TATDN3: variants seen among roughly 807,000 people sequenced by gnomAD.
TATDN3 encodes the protein deoxyribonuclease TATDN3.
In TATDN3, 29 loss-of-function variants were observed where a neutral mutation model predicts 40.1. The observed-to-expected ratio is 0.72, with a 90% CI of 0.54 to 0.99. The LOEUF is 0.99. Among genes scored for constraint, TATDN3 ranks in the 50% least tolerant of loss-of-function variants. TATDN3 has a pLI of 0.00. For missense variants in TATDN3, 309 were observed against 321.9 expected (o/e 0.96, Z 0.31); for synonymous variants, 105 against 117.0 (o/e 0.90, Z 0.66).
chr1:212,792,118 A>T (rs1235091932), intron 1 of TATDN3, 131 bp downstream of exon 1: 2 of 872,964 alleles, frequency 2.3e-6, no homozygotes, highest in African/African-American at 1.7e-5. Context: ...TGGCCATATG[A>T]CCTTGCCCCT....
At chr1:212,812,205 A>G in intron 8 of TATDN3, 43 bp from the exon 9 acceptor site, 1 of 1,262,194 alleles carries the variant, frequency 7.9e-7, no homozygotes, top group Non-Finnish European at 1.1e-6. Flanking sequence ...CTTTATCTTT[A>G]TTTCTCATGT....
chr1:212,796,223 A>G (rs564552830), intron 2 of TATDN3, among the ~76,000 whole-genome samples: 1 of 152,330 alleles, frequency 6.6e-6, no homozygotes, highest in South Asian at 2.1e-4. Context: ...GGCTTTGGAC[A>G]TATATAGACC....
At chr1:212,796,040 A>T (rs886899613) in intron 2 of TATDN3, among the ~76,000 whole-genome samples, 4 of 152,184 alleles carry the variant, frequency 2.6e-5, no homozygotes, top group Admixed American at 6.5e-5. Context: ...ATATTATTAA[A>T]GTTTTCTGAG....
Position 212,802,763 on chromosome 1 carries a change from G to A in TATDN3, c.321G>A (p.Glu107=), listed in dbSNP as rs1662245622. 6 of 1,601,070 alleles carry A rather than the reference G, an allele frequency of 3.7e-6. No individual in the cohort carries two copies. In the East Asian group the frequency reaches 1.1e-4, roughly 30 times the overall value. Residue 107 remains glutamate, a splice_region_variant and synonymous_variant, in exon 5 of 10, where the codon GAG becomes GAA. Coordinates refer to ENST00000366974, the MANE Select transcript of TATDN3 (RefSeq NM_001042552.3). ...AGGATCGGTTGTTGGCAATTGGAGA[G>A]GTAAACACCCACTAACTGATCAAAC... The part of the protein sequence containing the change: ...NYKDRLLAIG[E]VGLDFSPRFA...
chr1:212,805,748 G>A (rs1415842948), intron 7 of TATDN3, among the ~76,000 whole-genome samples: 1 of 152,086 alleles, frequency 6.6e-6, no homozygotes, highest in Non-Finnish European at 1.5e-5. Flanking sequence ...TCTCTTCTTT[G>A]CCAGTTGTTC....
At chr1:212,800,079 G>A (rs1345997644) in intron 4 of TATDN3, among the ~76,000 whole-genome samples, 1 of 152,164 alleles carries the variant, frequency 6.6e-6, no homozygotes, top group Admixed American at 6.6e-5. Context: ...TATGTAGTAA[G>A]TATTCATCAA....
chr1:212,796,635 C>T, intron 3 of TATDN3, 45 bp downstream of exon 3: 1 of 1,309,496 alleles, frequency 7.6e-7, no homozygotes, highest in East Asian at 2.4e-5. Flanking sequence ...AATAAGAACA[C>T]AGTTATGACA....
intron 8 of TATDN3, among the ~76,000 whole-genome samples, chr1:212,809,296 G>A (rs1021614909): frequency 6.6e-6 from 1 of 152,168 alleles, no homozygotes; most frequent in Non-Finnish European, 1.5e-5. Flanking sequence ...CTAGATAATG[G>A]TGATGATTGT....
At chr1:212,813,007 C>CA (rs1023420040) in intron 9 of TATDN3, among the ~76,000 whole-genome samples, 215 of 139,512 alleles carry the variant, frequency 1.5e-3, no homozygotes, top group Middle Eastern at 3.7e-3. Context: ...AACTCCATCT[C>CA]AAAAAAAAAA....
At chr1:212,793,730 G>A (rs536905891) in intron 1 of TATDN3, among the ~76,000 whole-genome samples, 1 of 152,322 alleles carries the variant, frequency 6.6e-6, no homozygotes, top group Non-Finnish European at 1.5e-5. Context: ...GATGTGGATA[G>A]CAAGGGAAAG....
intron 1 of TATDN3, chr1:212,792,806 C>G (rs1661435670): frequency 6.6e-6 from 1 of 152,198 alleles, no homozygotes; most frequent in Admixed American, 6.6e-5. Context: ...GTGGTGAGAC[C>G]CCGTCTCAAT....
chr1:212,810,201 A>C (rs911484253), intron 8 of TATDN3, among the ~76,000 whole-genome samples: 4 of 151,840 alleles, frequency 2.6e-5, no homozygotes, highest in Non-Finnish European at 5.9e-5. Flanking sequence ...CTGTCTCTAC[A>C]AAACATATAA....
chr1:212,795,697 G>A (rs374055756), intron 2 of TATDN3, among the ~76,000 whole-genome samples: 1 of 152,128 alleles, frequency 6.6e-6, no homozygotes, highest in African/African-American at 2.4e-5. Flanking sequence ...ATAGGCATGC[G>A]GCACTGCTCC....
Position 212,807,785 on chromosome 1 carries a change from C to A in TATDN3, c.537C>A (p.Ala179=). The A allele has an allele frequency of 6.2e-7, 1 of 1,613,848 alleles. No individual in the cohort carries two copies. Among genetic ancestry groups the A allele is most frequent in the Non-Finnish European group, 8.5e-7 (1 of 1,179,942 alleles). ...LHAFDGRPSV[A]MEGVRAGYFF... ...CATTTGATGGTCGGCCATCTGTAGC[C>A]ATGGAAGGAGTAAGAGCTGGGTACT... The change falls in exon 8 of 10, where the codon GCC becomes GCA. Residue 179 remains alanine (A), a synonymous_variant. Transcript: ENST00000366974.
At chr1:212,808,366 T>C (rs75133894) in intron 8 of TATDN3, among the ~76,000 whole-genome samples, 3,444 of 151,336 alleles carry the variant, frequency 0.023, 63 homozygotes, top group South Asian at 0.042. Context: ...TTAATTTGTG[T>C]GACTCCTTGA....
intron 8 of TATDN3, among the ~76,000 whole-genome samples, chr1:212,809,073 C>A (rs907792854): frequency 6.6e-6 from 1 of 152,180 alleles, no homozygotes; most frequent in African/African-American, 2.4e-5. Context: ...CATGCTACAG[C>A]ATGGATGAAC....
intron 4 of TATDN3, 137 bp from the exon 5 acceptor site, chr1:212,802,563 AT>A (rs1662235014): frequency 1.6e-6 from 1 of 631,796 alleles, no homozygotes; most frequent in Non-Finnish European, 2.9e-6. Flanking sequence ...AAGGATTACT[AT>A]TGGTAGTTTT....
intron 8 of TATDN3, among the ~76,000 whole-genome samples, chr1:212,810,641 C>T (rs941597244): frequency 2.0e-5 from 3 of 151,502 alleles, no homozygotes; most frequent in Non-Finnish European, 2.9e-5. Context: ...GAGCCGAGTA[C>T]GTGCCACTCC....
At chr1:212,810,365 A>T (rs1299515520) in intron 8 of TATDN3, among the ~76,000 whole-genome samples, 1 of 151,828 alleles carries the variant, frequency 6.6e-6, no homozygotes, top group Non-Finnish European at 1.5e-5. Context: ...ACAAAAAATT[A>T]GCCGGGCATG....
Sources: gnomAD v4.1 joint callset for allele counts (sites outside exome capture counted in the v4.1 genomes callset) on GRCh38, gnomAD v4.1.1 for gene constraint, MANE v1.5 for transcripts, NCBI Gene and HGNC (gene_info 2026-07-23, HGNC 2026-07-21) for gene names.